The following NAALADL2 variants were observed in gnomAD, a reference collection of about 807,000 sequenced individuals.
The protein encoded by NAALADL2 is N-acetylated alpha-linked acidic dipeptidase like 2.
A neutral mutation model predicts 87.2 loss-of-function variants in NAALADL2; 76 were observed. The observed-to-expected ratio is 0.87, with a 90% CI of 0.72 to 1.05. NAALADL2 has a LOEUF of 1.05. Among genes scored for constraint, NAALADL2 ranks in the 50% least tolerant of loss-of-function variants. NAALADL2 has a pLI of 0.00. For synonymous variants in NAALADL2, 354 were observed against 331.0 expected (o/e 1.07, Z -0.75); for missense variants, 1,089 against 945.8 (o/e 1.15, Z -1.99).
At chr3:174,651,953 A>G (rs1724400223) in intron 2 of NAALADL2, among the ~76,000 whole-genome samples, 1 of 152,208 alleles carries the variant, frequency 6.6e-6, no homozygotes. Context: ...AAGAGAGTAC[A>G]TTACCAGCAC....
chr3:175,466,937 T>G (rs1301208003), intron 7 of NAALADL2, 42 bp from the exon 8 acceptor site: 2 of 1,454,726 alleles, frequency 1.4e-6, no homozygotes, highest in Non-Finnish European at 1.9e-6. Context: ...ATTGTTAAGG[T>G]TTACATTTTT....
chr3:174,622,947 G>T (rs1260858122), intron 2 of NAALADL2, among the ~76,000 whole-genome samples: 5 of 152,174 alleles, frequency 3.3e-5, no homozygotes, highest in Admixed American at 3.3e-4. Context: ...GGAGGCTGAG[G>T]CAGGAGAATG....
chr3:175,569,968 A>G (rs1717795166), intron 9 of NAALADL2, among the ~76,000 whole-genome samples: 1 of 152,012 alleles, frequency 6.6e-6, no homozygotes, highest in African/African-American at 2.4e-5. Context: ...GATTTGTCTC[A>G]TGTGGTTATG....
intron 1 of NAALADL2, among the ~76,000 whole-genome samples, chr3:174,948,765 T>G (rs1326371827): frequency 6.6e-6 from 1 of 152,190 alleles, no homozygotes; most frequent in Non-Finnish European, 1.5e-5. Context: ...TCTGCACTGA[T>G]GTATTTGTCC....
At chr3:175,525,298 A>G (rs1733236084) in intron 9 of NAALADL2, among the ~76,000 whole-genome samples, 2 of 152,154 alleles carry the variant, frequency 1.3e-5, no homozygotes, top group Non-Finnish European at 2.9e-5. Flanking sequence ...GGTAAGTAGG[A>G]CAAAGCTCAA....
chr3:175,170,666 G>C (rs987333609), intron 2 of NAALADL2, among the ~76,000 whole-genome samples: 1 of 150,950 alleles, frequency 6.6e-6, no homozygotes, highest in African/African-American at 2.4e-5. Flanking sequence ...TCATATAGAA[G>C]AATAATCATT....
chr3:175,234,386 T>G (rs996711652), intron 3 of NAALADL2, among the ~76,000 whole-genome samples, 182 bp downstream of exon 3: 1 of 152,180 alleles, frequency 6.6e-6, no homozygotes, highest in Non-Finnish European at 1.5e-5. Context: ...CTTGTCATAT[T>G]TTGAAAGTGA....
At chr3:175,140,524 C>A (rs1729837329) in intron 2 of NAALADL2, among the ~76,000 whole-genome samples, 1 of 151,888 alleles carries the variant, frequency 6.6e-6, no homozygotes, top group Non-Finnish European at 1.5e-5. Context: ...GGACTGAGAT[C>A]CAAAAAACAA....
At chr3:175,322,340 A>G (rs1284215056) in intron 4 of NAALADL2, among the ~76,000 whole-genome samples, 21 of 127,466 alleles carry the variant, frequency 1.6e-4, no homozygotes, top group African/African-American at 6.3e-4. Context: ...AATCAATTCA[A>G]GATGGATTAA....
intron 4 of NAALADL2, among the ~76,000 whole-genome samples, chr3:175,274,995 A>G (rs1451610560): frequency 3.9e-5 from 6 of 152,204 alleles, no homozygotes; most frequent in Non-Finnish European, 8.8e-5. Context: ...TATAATGTGA[A>G]ACACCAGCTA....
chr3:174,794,981 C>CTTTTTTTTTTTTTTTTTTTTTT lies in NAALADL2; in HGVS notation c.-9+57241_-9+57262dup, dbSNP rs772447340. Among the ~76,000 whole-genome samples the CTTTTTTTTTTTTTTTTTTTTTT allele has an allele frequency of 2.7e-4, 18 of 66,708 alleles. 2 individuals are homozygous for CTTTTTTTTTTTTTTTTTTTTTT. Among genetic ancestry groups the CTTTTTTTTTTTTTTTTTTTTTT allele is most frequent in the African/African-American group, 5.9e-4 (10 of 16,904 alleles). The allele number at this position is 66,708 out of a possible 152,430, so 43.8% of individuals were successfully genotyped here. A position where few individuals can be genotyped will look rare whatever the true frequency, so the allele number is the denominator to read the frequency against. On this transcript the variant is annotated intron_variant, in intron 3 of 3. Coordinates refer to the NAALADL2 transcript ENST00000434257. ...TTAAAAGTTGAAACTTCTAGTCCAG[C>CTTTTTTTTTTTTTTTTTTTTTT]TTTTTTTTTTTTTTTTTTTTTTTTT...
intron 1 of NAALADL2, among the ~76,000 whole-genome samples, chr3:175,050,637 C>T (rs1054584838): frequency 6.6e-6 from 1 of 152,120 alleles, no homozygotes; most frequent in South Asian, 2.1e-4. Flanking sequence ...CTTAAAGTCC[C>T]AGTTTCTGAA....
chr3:175,808,892 A>G lies in NAALADL2; in HGVS notation c.*5689A>G, dbSNP rs1431275391. On this transcript the variant is annotated 3_prime_UTR_variant, in exon 14 of 14. Coordinates refer to ENST00000454872, the MANE Select transcript of NAALADL2 (RefSeq NM_207015.3). Reference sequence around the variant, plus strand: ...ATGAACTACATATATTTTTCAATCAAAATGTGTAATTATTTAATTATCTAG... The same window carrying G: ...ATGAACTACATATATTTTTCAATCAGAATGTGTAATTATTTAATTATCTAG... 1.3e-5 allele frequency: 2 copies of G among 151,966 alleles called. No individual in the cohort carries two copies. Among genetic ancestry groups the G allele is most frequent in the Non-Finnish European group, 2.9e-5 (2 of 67,930 alleles). The allele number at this position is 151,966 out of a possible 1,614,324, so 9.4% of individuals were successfully genotyped here. A position where few individuals can be genotyped will look rare whatever the true frequency, so the allele number is the denominator to read the frequency against.
chr3:174,824,656 G>C (rs960714473), intron 3 of NAALADL2, among the ~76,000 whole-genome samples: 1 of 152,134 alleles, frequency 6.6e-6, no homozygotes, highest in African/African-American at 2.4e-5. Context: ...AAACTGACTA[G>C]ATAAATCAAT....
chr3:174,519,949 T>A (rs1720174770), intron 1 of NAALADL2, among the ~76,000 whole-genome samples: 1 of 151,960 alleles, frequency 6.6e-6, no homozygotes, highest in African/African-American at 2.4e-5. Context: ...AAGAACACAA[T>A]GCCATTTACA....
intron 3 of NAALADL2, among the ~76,000 whole-genome samples, chr3:174,841,554 A>T (rs1459705470): frequency 6.6e-6 from 1 of 152,220 alleles, no homozygotes; most frequent in Middle Eastern, 3.2e-3. Flanking sequence ...ACCTCTCAGC[A>T]TGAGTGACTA....
intron 2 of NAALADL2, among the ~76,000 whole-genome samples, chr3:175,158,362 C>T (rs918711913): frequency 5.9e-4 from 89 of 151,990 alleles, no homozygotes; most frequent in African/African-American, 2.1e-3. Context: ...CCATTTAGCA[C>T]GAATGTTACA....
chr3:174,590,272 T>G (rs1717217107), intron 2 of NAALADL2, among the ~76,000 whole-genome samples: 1 of 152,078 alleles, frequency 6.6e-6, no homozygotes, highest in African/African-American at 2.4e-5. Context: ...AACTATGCAG[T>G]TAATTCTTTA....
At chr3:175,011,207 T>A (rs1167741116) in intron 1 of NAALADL2, among the ~76,000 whole-genome samples, 1 of 151,054 alleles carries the variant, frequency 6.6e-6, no homozygotes, top group Non-Finnish European at 1.5e-5. Flanking sequence ...CAGAAGGGCT[T>A]CTAACATGAT....
Sources: allele counts gnomAD v4.1 joint callset (sites outside exome capture counted in the v4.1 genomes callset), GRCh38; gene constraint gnomAD v4.1.1; transcripts MANE v1.5; gene names NCBI Gene and HGNC (gene_info 2026-07-23, HGNC 2026-07-21).